The following PRKCE variants were observed in gnomAD, a reference collection of about 807,000 sequenced individuals.
PRKCE encodes the protein protein kinase C epsilon.
Under a neutral mutation model 85.4 loss-of-function variants are expected in PRKCE, and 16 were observed. That is an observed-to-expected ratio of 0.19 (90% confidence interval 0.13 to 0.28). The LOEUF (loss-of-function observed/expected upper bound fraction) is 0.28. PRKCE is among the 10% of genes least tolerant of loss of function. The pLI, the probability that PRKCE is intolerant of heterozygous loss-of-function variation, is 1.00. For missense variants in PRKCE, 573 were observed against 975.2 expected (o/e 0.59, Z 5.49); for synonymous variants, 388 against 371.5 (o/e 1.04, Z -0.51).
chr2:46,110,310 C>T (rs1672130817), intron 11 of PRKCE, among the ~76,000 whole-genome samples: 1 of 152,092 alleles, frequency 6.6e-6, no homozygotes, highest in Non-Finnish European at 1.5e-5. Flanking sequence ...CAGTGAAACT[C>T]TCTGGGTCTT....
chr2:45,672,276 A>G (rs985134422), intron 1 of PRKCE, among the ~76,000 whole-genome samples: 6 of 151,844 alleles, frequency 4.0e-5, no homozygotes, highest in African/African-American at 1.4e-4. Flanking sequence ...CCATCCATCC[A>G]TCCACCCACC....
chr2:45,809,917 G>T (rs1688534400), intron 1 of PRKCE, among the ~76,000 whole-genome samples: 1 of 151,922 alleles, frequency 6.6e-6, no homozygotes, highest in Non-Finnish European at 1.5e-5. Context: ...CCCAAGGAGG[G>T]CATGGCTCTC....
intron 14 of PRKCE, among the ~76,000 whole-genome samples, chr2:46,182,567 T>A (rs994087042): frequency 5.9e-5 from 9 of 152,088 alleles, no homozygotes; most frequent in African/African-American, 2.2e-4. Context: ...TGTCCCCCCC[T>A]TCCCCCTTCC....
Position 46,004,768 on chromosome 2 carries a change from C to T in PRKCE, c.1063+130C>T, listed in dbSNP as rs1413079158. ...CTAGCAGCCCTGGTGGGTTTTCACA[C>T]ACCCGTTGCCTGTTGATTTAACAGT... On this transcript the variant is annotated intron_variant, in intron 8 of 14. Transcript: ENST00000306156. This position sits in a 1 kb window ranked among gnomAD's most constrained non-coding sequence, Gnocchi z 4.1. 1.4e-6 allele frequency: 1 copy of T among 722,220 alleles called. No individual in the cohort carries two copies. Among genetic ancestry groups the T allele is most frequent in the Non-Finnish European group, 2.3e-6 (1 of 434,214 alleles). The allele number at this position is 722,220 out of a possible 1,614,324, so 44.7% of individuals were successfully genotyped here.
chr2:45,973,411 T>C (rs971476311), intron 2 of PRKCE, among the ~76,000 whole-genome samples: 6 of 152,224 alleles, frequency 3.9e-5, no homozygotes, highest in Non-Finnish European at 7.3e-5. Context: ...CAAGCCTCAC[T>C]TGAAGCATGA....
At chr2:46,062,749 C>G (rs549976226) in intron 10 of PRKCE, among the ~76,000 whole-genome samples, 4 of 142,622 alleles carry the variant, frequency 2.8e-5, no homozygotes, top group South Asian at 2.3e-4. Context: ...TCTCAGCTCA[C>G]TGCAACCTCC....
At chr2:45,761,702 A>G (rs1684518288) in intron 1 of PRKCE, among the ~76,000 whole-genome samples, 1 of 152,058 alleles carries the variant, frequency 6.6e-6, no homozygotes, top group South Asian at 2.1e-4. Flanking sequence ...TTCTGTTCTA[A>G]GCTTGCCCTG....
At chr2:45,803,869 G>GAAAT (rs1485262939) in intron 1 of PRKCE, among the ~76,000 whole-genome samples, 1 of 152,174 alleles carries the variant, frequency 6.6e-6, no homozygotes, top group Non-Finnish European at 1.5e-5. Flanking sequence ...GGGGCTCCAT[G>GAAAT]AAATAGTCTG....
At chr2:45,949,402 GT>G (rs35033431) in intron 2 of PRKCE, among the ~76,000 whole-genome samples, 43,689 of 118,408 alleles carry the variant, frequency 0.37, 7,743 homozygotes, top group Non-Finnish European at 0.47. Context: ...TATTTTGCTT[GT>G]TTTTTTTTTT....
intron 1 of PRKCE, among the ~76,000 whole-genome samples, chr2:45,691,140 G>T (rs1572955607): frequency 6.6e-6 from 1 of 152,172 alleles, no homozygotes; most frequent in Non-Finnish European, 1.5e-5. Flanking sequence ...GCCAGAATGG[G>T]GCCTTTGGAA....
intron 1 of PRKCE, among the ~76,000 whole-genome samples, chr2:45,730,706 C>T (rs1020632029): frequency 1.3e-5 from 2 of 152,012 alleles, no homozygotes; most frequent in Admixed American, 6.6e-5. Context: ...GCTATCTACC[C>T]GCCTCAGCCT....
chr2:45,998,214 G>A lies in PRKCE; in HGVS notation c.824-3190G>A, dbSNP rs148166851. Among the ~76,000 whole-genome samples the A allele has an allele frequency of 5.1e-3, 780 of 152,152 alleles. 3 individuals are homozygous for A. Among genetic ancestry groups the A allele is most frequent in the Non-Finnish European group, 7.9e-3 (540 of 68,004 alleles). On this transcript the variant is annotated intron_variant, in intron 6 of 14. Coordinates refer to ENST00000306156, the MANE Select transcript of PRKCE (RefSeq NM_005400.3). The stretch of plus-strand genomic sequence containing the variant: ...TTGATTAATGTTGCTGTTGATTAAT[G>A]TTGCTGTTGATTTGATTAATGTTTC...
intron 2 of PRKCE, among the ~76,000 whole-genome samples, 170 bp from the exon 3 acceptor site, chr2:45,976,249 CGCTCACTCCA>C (rs2104530589): frequency 1.3e-5 from 2 of 152,288 alleles, no homozygotes; most frequent in South Asian, 4.1e-4. Flanking sequence ...TACATGTGCT[CGCTCACTCCA>C]GCTGCTCAGT....
At chr2:45,683,634 G>A (rs1347694257) in intron 1 of PRKCE, among the ~76,000 whole-genome samples, 1 of 152,178 alleles carries the variant, frequency 6.6e-6, no homozygotes, top group African/African-American at 2.4e-5. Context: ...GGAGCTGGGG[G>A]GAAATGCTTT....
At chr2:46,088,527 G>A (rs1669866542) in intron 11 of PRKCE, among the ~76,000 whole-genome samples, 1 of 151,976 alleles carries the variant, frequency 6.6e-6, no homozygotes, top group Non-Finnish European at 1.5e-5. Flanking sequence ...AAACTCAAAG[G>A]GCCATTTCTT....
intron 10 of PRKCE, among the ~76,000 whole-genome samples, chr2:46,084,157 G>A (rs1480449656): frequency 6.6e-6 from 1 of 152,222 alleles, no homozygotes. Flanking sequence ...GGTAGGCTTT[G>A]AAGGCGAAGG....
At chr2:45,824,847 C>T in intron 1 of PRKCE, among the ~76,000 whole-genome samples, 1 of 152,064 alleles carries the variant, frequency 6.6e-6, no homozygotes, top group Non-Finnish European at 1.5e-5. Flanking sequence ...ATGGAGATTT[C>T]CTGTCTCTTC....
intron 2 of PRKCE, among the ~76,000 whole-genome samples, chr2:45,846,405 A>T (rs966577380): frequency 4.6e-5 from 7 of 152,168 alleles, no homozygotes; most frequent in African/African-American, 1.7e-4. Flanking sequence ...CCTAGGTGTC[A>T]TGCTCACCTG....
chr2:46,042,453 C>T (rs1708269943), intron 10 of PRKCE, among the ~76,000 whole-genome samples: 1 of 152,176 alleles, frequency 6.6e-6, no homozygotes, highest in South Asian at 2.1e-4. Context: ...GGTTAGAGTC[C>T]AAGATTCTGT....
Sources: allele counts gnomAD v4.1 joint callset (sites outside exome capture counted in the v4.1 genomes callset), GRCh38; gene constraint gnomAD v4.1.1; non-coding constraint Gnocchi (gnomAD v3.1); transcripts MANE v1.5; gene names NCBI Gene and HGNC (gene_info 2026-07-23, HGNC 2026-07-21).